The following FCHSD2 variants were observed in gnomAD, a reference collection of about 807,000 sequenced individuals.
The protein encoded by FCHSD2 is FCH and double SH3 domains 2.
Under a neutral mutation model 108.1 loss-of-function variants are expected in FCHSD2, and 38 were observed. The ratio of observed to expected loss-of-function variants is 0.35; its 90% CI spans 0.27 to 0.46. The LOEUF is 0.46. FCHSD2 is among the 20% of genes least tolerant of loss of function. The pLI is 1.00. For synonymous variants in FCHSD2, 279 were observed against 314.7 expected (o/e 0.89, Z 1.20); for missense variants, 751 against 897.8 (o/e 0.84, Z 2.09).
At chr11:72,977,665 TCAGGAAACAA>T (rs1857128660) in intron 8 of FCHSD2, among the ~76,000 whole-genome samples, 4 of 152,150 alleles carry the variant, frequency 2.6e-5, no homozygotes, top group Non-Finnish European at 5.9e-5. Context: ...CACTAAAAAG[TCAGGAAACAA>T]CAGGTGCTGG....
intron 4 of FCHSD2, among the ~76,000 whole-genome samples, chr11:73,001,981 A>T (rs1215919752): frequency 6.6e-6 from 1 of 152,208 alleles, no homozygotes; most frequent in African/African-American, 2.4e-5. Flanking sequence ...AACACAATCG[A>T]TAATTTATAA....
At chr11:73,036,525 T>C (rs1181081743) in intron 3 of FCHSD2, among the ~76,000 whole-genome samples, 1 of 152,198 alleles carries the variant, frequency 6.6e-6, no homozygotes, top group African/African-American at 2.4e-5. Flanking sequence ...GAAACCTAAA[T>C]TTAATGATGA....
chr11:72,966,906 G>A (rs533698299), intron 8 of FCHSD2, among the ~76,000 whole-genome samples: 3 of 152,050 alleles, frequency 2.0e-5, no homozygotes, highest in Non-Finnish European at 4.4e-5. Flanking sequence ...CTGATTATGA[G>A]TTAAGAAAGT....
At chr11:72,875,061 G>A (rs1451804825) in intron 12 of FCHSD2, among the ~76,000 whole-genome samples, 1 of 152,126 alleles carries the variant, frequency 6.6e-6, no homozygotes, top group Non-Finnish European at 1.5e-5. Flanking sequence ...ACACATATAA[G>A]TGTAAAGCTA....
chr11:72,840,918 A>G lies in FCHSD2; in HGVS notation c.2098T>C (p.Ser700Pro). The change falls in exon 19 of 20, where the codon TCA (serine) becomes CCA (proline). Residue 700 changes from serine to proline, a missense_variant. Transcript: ENST00000409418. Reference sequence around the variant, plus strand: ...TATGAGGTCTCAGGAGTATGCCTTGATGCCTGTGAGAATCCTGGTGACTCA... The same window carrying G: ...TATGAGGTCTCAGGAGTATGCCTTGGTGCCTGTGAGAATCCTGGTGACTCA... ...HAESPGFSQA[S>P]RHTPETSYGK... 5.6e-6 allele frequency: 9 copies of G among 1,613,438 alleles called. No individual in the cohort carries two copies. The highest frequency in any genetic ancestry group is 7.6e-6 in the Non-Finnish European group (9 of 1,179,404).
chr11:73,091,407 G>C (rs916193428), intron 2 of FCHSD2, among the ~76,000 whole-genome samples: 1 of 151,890 alleles, frequency 6.6e-6, no homozygotes, highest in Admixed American at 6.5e-5. Flanking sequence ...AAATTAGCCA[G>C]GTGTGGTGGT....
intron 2 of FCHSD2, among the ~76,000 whole-genome samples, chr11:73,116,308 A>G (rs1860599600): frequency 6.6e-6 from 1 of 152,152 alleles, no homozygotes; most frequent in Non-Finnish European, 1.5e-5. Context: ...TTTGTTGACG[A>G]TATTTTTACT....
chr11:73,059,952 A>C (rs1264910013), intron 3 of FCHSD2, among the ~76,000 whole-genome samples: 1 of 152,250 alleles, frequency 6.6e-6, no homozygotes, highest in Non-Finnish European at 1.5e-5. Context: ...CCTTGTTTAC[A>C]TGGTCATCAG....
chr11:72,964,817 T>C (rs1459435289), intron 8 of FCHSD2, among the ~76,000 whole-genome samples: 2 of 141,532 alleles, frequency 1.4e-5, no homozygotes, highest in South Asian at 2.2e-4. Flanking sequence ...TGAGATGGAG[T>C]CTTGCTCTGT....
At chr11:73,016,562 T>A (rs866597759) in intron 3 of FCHSD2, among the ~76,000 whole-genome samples, 1 of 152,174 alleles carries the variant, frequency 6.6e-6, no homozygotes, top group Non-Finnish European at 1.5e-5. Flanking sequence ...TCCATCTCCA[T>A]AGAACTCTGA....
chr11:72,963,900 T>G (rs373338294), intron 8 of FCHSD2, among the ~76,000 whole-genome samples: 1 of 152,274 alleles, frequency 6.6e-6, no homozygotes, highest in African/African-American at 2.4e-5. Context: ...GACCCTGGAT[T>G]AGATGACAAC....
chr11:72,893,568 A>G (rs1855361249), intron 10 of FCHSD2, among the ~76,000 whole-genome samples: 1 of 147,890 alleles, frequency 6.8e-6, no homozygotes. Flanking sequence ...TCCTGCCTTG[A>G]CCTCCCAAAG....
Position 72,987,565 on chromosome 11 carries a change from T to C in FCHSD2, c.521+1399A>G, listed in dbSNP as rs115181409. Among the ~76,000 whole-genome samples the C allele has an allele frequency of 2.4e-3, 367 of 152,298 alleles. 2 individuals carry two copies. Among genetic ancestry groups the C allele is most frequent in the African/African-American group, 8.3e-3 (347 of 41,558 alleles). On this transcript the variant is annotated intron_variant, in intron 6 of 19. Coordinates refer to ENST00000409418, the MANE Select transcript of FCHSD2 (RefSeq NM_014824.3). ...TAAAGTGGCATTCCTTACTCTATAG[T>C]TGAAAAGTTAATATTAATATGTCTA...
chr11:73,066,917 C>T (rs1398577853), intron 3 of FCHSD2, among the ~76,000 whole-genome samples: 1 of 152,176 alleles, frequency 6.6e-6, no homozygotes, highest in African/African-American at 2.4e-5. Flanking sequence ...TTGTGGAAGA[C>T]AGTGTAGCGA....
chr11:72,902,263 G>C (rs938553653), intron 10 of FCHSD2, among the ~76,000 whole-genome samples: 20 of 152,100 alleles, frequency 1.3e-4, no homozygotes, highest in African/African-American at 4.8e-4. Context: ...TTGAGTAAAT[G>C]TATTGAATAT....
At chr11:73,140,801 T>G (rs1453878133) in intron 1 of FCHSD2, among the ~76,000 whole-genome samples, 1 of 152,220 alleles carries the variant, frequency 6.6e-6, no homozygotes, top group African/African-American at 2.4e-5. Context: ...AAATGCCTGC[T>G]GGCCAGAGAG....
intron 4 of FCHSD2, 125 bp from the exon 5 acceptor site, chr11:73,001,259 C>T: frequency 1.3e-6 from 1 of 773,256 alleles, no homozygotes; most frequent in Non-Finnish European, 2.1e-6. Context: ...TTTATAATGG[C>T]TTATAGGCAA....
intron 6 of FCHSD2, among the ~76,000 whole-genome samples, chr11:72,988,376 CCTA>C (rs1303044288): frequency 2.0e-5 from 3 of 152,076 alleles, no homozygotes; most frequent in African/African-American, 7.2e-5. Context: ...TCCTTCTTTT[CCTA>C]CTTATTCTTA....
intron 8 of FCHSD2, among the ~76,000 whole-genome samples, chr11:72,925,047 C>A (rs762495060): frequency 1.3e-5 from 2 of 151,746 alleles, no homozygotes; most frequent in South Asian, 2.1e-4. Flanking sequence ...GTAATACAGG[C>A]ATCATGAGCT....
Sources: allele counts gnomAD v4.1 joint callset (sites outside exome capture counted in the v4.1 genomes callset), GRCh38; gene constraint gnomAD v4.1.1; transcripts MANE v1.5; gene names NCBI Gene and HGNC (gene_info 2026-07-23, HGNC 2026-07-21).